Variants in RIMKLB observed in about 807,000 individuals in gnomAD.
RIMKLB encodes the protein ribosomal modification protein rimK like family member B, also known as beta-citrylglutamate synthase B.
In RIMKLB, 7 loss-of-function variants were observed where a neutral mutation model predicts 32.0. The observed-to-expected ratio is 0.22, with a 90% CI of 0.12 to 0.41. The LOEUF (loss-of-function observed/expected upper bound fraction) is 0.41, where lower values mean the gene tolerates loss of function less well. RIMKLB is among the 10% of genes least tolerant of loss of function. RIMKLB has a pLI of 1.00. For synonymous variants in RIMKLB, 172 were observed against 185.1 expected, an observed-to-expected ratio of 0.93 and a Z score of 0.57; for missense variants, 289 against 498.7, an observed-to-expected ratio of 0.58 and a Z score of 4.00.
chr12:8,751,997 A>G lies in RIMKLB; in HGVS notation c.447A>G (p.Glu149=), dbSNP rs760538920. 6 of 1,613,672 alleles carry G rather than the reference A, an allele frequency of 3.7e-6. No homozygotes were observed. The East Asian group carries it at 1.3e-4, about 36-fold the overall frequency. ...TTGCTAAAATGATTGATGAGGCTGA[A>G]GTTCTGGAGTTCCCAATGGTAGTAA... ...ENFAKMIDEA[E]VLEFPMVVKN... is the part of the protein sequence containing the mutation. Residue 149 remains glutamate (E), a synonymous_variant, in exon 4 of 6, where the codon GAA becomes GAG. Transcript: ENST00000535829.
At chr12:8,772,935 C>T (rs1188916865) in intron 5 of RIMKLB, among the ~76,000 whole-genome samples, 1 of 152,212 alleles carries the variant, frequency 6.6e-6, no homozygotes, top group Non-Finnish European at 1.5e-5. Context: ...TTCACGTCAC[C>T]ACCTTCCCAG....
At chr12:8,771,411 C>T (rs1295355718) in intron 5 of RIMKLB, among the ~76,000 whole-genome samples, 1 of 151,990 alleles carries the variant, frequency 6.6e-6, no homozygotes, top group African/African-American at 2.4e-5. Flanking sequence ...GGAAAGTGCC[C>T]CAACATTATA....
At chr12:8,748,543 T>TGTGTGTGTGTGTGTGTGTGTGTGC (rs1263880136) in intron 2 of RIMKLB, among the ~76,000 whole-genome samples, 1 of 110,458 alleles carries the variant, frequency 9.1e-6, no homozygotes, top group African/African-American at 3.0e-5. Context: ...TGTGTGTGTG[T>TGTGTGTGTGTGTGTGTGTGTGTGC]GTGTGTGTGT....
intron 1 of RIMKLB, among the ~76,000 whole-genome samples, chr12:8,698,801 CCTT>C (rs1943112856): frequency 6.6e-6 from 1 of 152,058 alleles, no homozygotes; most frequent in Non-Finnish European, 1.5e-5. Flanking sequence ...ACGTTTTCCT[CCTT>C]ACGTGTAAAT....
chr12:8,698,704 C>T (rs1181566699), intron 1 of RIMKLB, among the ~76,000 whole-genome samples: 1 of 141,026 alleles, frequency 7.1e-6, no homozygotes, highest in Non-Finnish European at 1.6e-5. Context: ...GCGACACTCC[C>T]CCTCCCCCCC....
At chr12:8,679,194 G>C (rs945667374), upstream of RIMKLB, 3 of 152,122 alleles carry the variant, frequency 2.0e-5, no homozygotes, top group African/African-American at 7.2e-5. Flanking sequence ...TTTTGTTTTT[G>C]TTTTGAGACG....
chr12:8,677,075 G>A (rs898708286), upstream of RIMKLB, among the ~76,000 whole-genome samples: 2 of 152,094 alleles, frequency 1.3e-5, no homozygotes, highest in Non-Finnish European at 2.9e-5. Context: ...TATACAGTCT[G>A]GAATCTAAAT....
rs1950767709 is a variant in RIMKLB, at chr12:8,777,088, C to T, written c.*3304C>T. Reference sequence around the variant, plus strand: ...TAGGTGCTCAGACAGGTAACCACTGCTGCTACTGTTTTTATTTGTTTGTTT... The same window carrying T: ...TAGGTGCTCAGACAGGTAACCACTGTTGCTACTGTTTTTATTTGTTTGTTT... On this transcript the variant is annotated 3_prime_UTR_variant, in exon 6 of 6. Transcript: ENST00000535829. 1.0e-6 allele frequency: 1 copy of T among 985,724 alleles called. No homozygotes were observed. The highest frequency in any genetic ancestry group is 1.7e-5 in the African/African-American group (1 of 57,162). 61.1% of individuals were successfully genotyped at this position (985,724 alleles called of 1,614,324 possible).
chr12:8,691,293 A>T (rs761216465), intron 1 of RIMKLB, among the ~76,000 whole-genome samples: 36 of 147,956 alleles, frequency 2.4e-4, no homozygotes, highest in Non-Finnish European at 4.4e-4. Flanking sequence ...ACTTGGCCAA[A>T]TTTTTTTTTT....
chr12:8,734,261 A>C (rs2137355288), intron 2 of RIMKLB, among the ~76,000 whole-genome samples: 1 of 152,336 alleles, frequency 6.6e-6, no homozygotes, highest in South Asian at 2.1e-4. Flanking sequence ...TTATTGCCAA[A>C]TTCAGAAATA....
intron 5 of RIMKLB, among the ~76,000 whole-genome samples, chr12:8,759,028 C>T (rs1292261014): frequency 1.3e-5 from 2 of 152,124 alleles, no homozygotes; most frequent in African/African-American, 2.4e-5. Context: ...TGTGAATATG[C>T]TTTGCTTTAT....
intron 2 of RIMKLB, among the ~76,000 whole-genome samples, chr12:8,738,780 G>C (rs1180968933): frequency 6.6e-6 from 1 of 152,170 alleles, no homozygotes; most frequent in African/African-American, 2.4e-5. Flanking sequence ...GAAGCTCCAA[G>C]AAATTTCATT....
intron 2 of RIMKLB, among the ~76,000 whole-genome samples, chr12:8,721,011 GT>G (rs1351057172): frequency 1.8e-4 from 28 of 152,192 alleles, no homozygotes; most frequent in Non-Finnish European, 3.8e-4. Context: ...ATGTTAACCA[GT>G]GACTCTTCCA....
chr12:8,777,576 C>CTGT, downstream of RIMKLB: 1 of 1,285,592 alleles, frequency 7.8e-7, no homozygotes, highest in Non-Finnish European at 1.0e-6. Flanking sequence ...TGCACTGTTA[C>CTGT]TGTTCTTTAC....
chr12:8,705,490 A>G (rs1336792457), intron 1 of RIMKLB, among the ~76,000 whole-genome samples: 4 of 151,856 alleles, frequency 2.6e-5, no homozygotes, highest in Non-Finnish European at 5.9e-5. Flanking sequence ...AAAAAAAAAA[A>G]AAAAGTAAAA....
rs147223038 is a variant in RIMKLB at position 8,772,477 on chromosome 12, C to T, written c.698-844C>T. Among the ~76,000 whole-genome samples the T allele has an allele frequency of 3.9e-4, 60 of 152,334 alleles. 2 individuals are homozygous for T. Among genetic ancestry groups the T allele is most frequent in the African/African-American group, 1.3e-3 (56 of 41,578 alleles). ...TTATTTGTAGTATTCTACATGGCCT[C>T]AGTCTTAGAAGTGCTGTGAAGCAGA... On this transcript the variant is annotated intron_variant, in intron 5 of 5. Coordinates refer to ENST00000535829, the MANE Select transcript of RIMKLB (RefSeq NM_001297776.2).
At chr12:8,713,592 CA>C (rs879035380) in intron 1 of RIMKLB, among the ~76,000 whole-genome samples, 2 of 152,126 alleles carry the variant, frequency 1.3e-5, no homozygotes, top group South Asian at 4.1e-4. Flanking sequence ...CCAGTTTCCC[CA>C]AGGAAAAATG....
chr12:8,676,018 A>G, the RIMKLB span, among the ~76,000 whole-genome samples: 11 of 152,304 alleles, frequency 7.2e-5, no homozygotes, highest in Admixed American at 2.0e-4. Context: ...TGCTATAGCC[A>G]TATGTGACTC....
At chr12:8,723,421 T>C (rs963975839) in intron 2 of RIMKLB, among the ~76,000 whole-genome samples, 11 of 152,172 alleles carry the variant, frequency 7.2e-5, no homozygotes, top group African/African-American at 2.4e-4. Flanking sequence ...ATAACAGATA[T>C]GATCAAAATG....
Sources: allele counts gnomAD v4.1 joint callset (sites outside exome capture counted in the v4.1 genomes callset), GRCh38; gene constraint gnomAD v4.1.1; transcripts MANE v1.5; gene names NCBI Gene and HGNC (gene_info 2026-07-23, HGNC 2026-07-21).